The following RAP1GAP2 variants were observed in gnomAD, a reference collection of about 807,000 sequenced individuals.
RAP1GAP2 encodes the protein rap1 GTPase-activating protein 2.
In RAP1GAP2, 27 loss-of-function variants were observed where a neutral mutation model predicts 95.0. The ratio of observed to expected loss-of-function variants is 0.28; its 90% CI spans 0.21 to 0.39. RAP1GAP2 has a LOEUF of 0.39. Among genes scored for constraint, RAP1GAP2 ranks in the 10% least tolerant of loss-of-function variants. The probability of loss-of-function intolerance (pLI) is 1.00; values close to 1 mark genes in which losing one functional copy is unlikely to be tolerated. For synonymous variants in RAP1GAP2, 373 were observed against 380.9 expected (o/e 0.98, Z 0.24); for missense variants, 771 against 970.0 (o/e 0.79, Z 2.72).
In RAP1GAP2 at chr17:2,857,828, G is replaced by C. The variant is rs56802211; in HGVS notation, c.81-47456G>C. Among the ~76,000 whole-genome samples, 4,466 of 152,286 alleles carry C rather than the reference G, an allele frequency of 0.029. 210 individuals carry two copies. The highest frequency in any genetic ancestry group is 0.1 in the African/African-American group (4,162 of 41,536). On this transcript the variant is annotated intron_variant, in intron 2 of 24. Transcript: ENST00000254695. This position sits in a 1 kb window ranked among gnomAD's most constrained non-coding sequence, Gnocchi z 4.0. The stretch of plus-strand genomic sequence containing the variant: ...AATATGTACGTTCTTGGCCGGGCGC[G>C]GCAGCTCACGCCTGTAATCCCAGCA...
intron 17 of RAP1GAP2, among the ~76,000 whole-genome samples, chr17:3,010,114 G>C (rs1463590580): frequency 6.6e-6 from 1 of 152,144 alleles, no homozygotes; most frequent in Non-Finnish European, 1.5e-5. Context: ...GGCCGAGGCA[G>C]GCGGATCACG....
chr17:2,999,781 TA>T (rs527596504), intron 14 of RAP1GAP2, among the ~76,000 whole-genome samples: 6,762 of 126,608 alleles, frequency 0.053, 422 homozygotes, highest in African/African-American at 0.16. Context: ...ACCCTGTCTC[TA>T]AAAAAAAAAA....
At position 3,003,282 on chromosome 17, in the gene RAP1GAP2, G is replaced by A. The variant is rs2046226170; in HGVS notation, c.1201-2087G>A. Among the ~76,000 whole-genome samples the A allele has an allele frequency of 6.6e-6, 1 of 152,090 alleles. No homozygotes were observed. The highest frequency in any genetic ancestry group is 6.5e-5 in the Admixed American group (1 of 15,270). ...TCGGGTGTGCACGAAGCATCACTCT[G>A]GATTATTTTTCAGAAATGAGTGTAG... On this transcript the variant is annotated intron_variant, in intron 14 of 24. Coordinates refer to ENST00000254695, the MANE Select transcript of RAP1GAP2 (RefSeq NM_015085.5). The surrounding 1 kb of genome is among the most constrained non-coding windows in gnomAD (Gnocchi z 4.1).
In RAP1GAP2 at chr17:3,004,111, C is replaced by G. The variant is rs2046258668; in HGVS notation, c.1201-1258C>G. ...CCATAGCCTTCCCACACCCCCACCC[C>G]TGATTCTGGCTCTGTGACTGAATTC... On this transcript the variant is annotated intron_variant, in intron 14 of 24. Coordinates refer to ENST00000254695, the MANE Select transcript of RAP1GAP2 (RefSeq NM_015085.5). The surrounding 1 kb of genome is among the most constrained non-coding windows in gnomAD (Gnocchi z 4.1). 6.6e-6 allele frequency among the ~76,000 whole-genome samples: 1 copy of G among 152,212 alleles called. No homozygotes were observed. Among genetic ancestry groups the G allele is most frequent in the African/African-American group, 2.4e-5 (1 of 41,464 alleles).
intron 3 of RAP1GAP2, among the ~76,000 whole-genome samples, chr17:2,946,758 A>G (rs1439956710): frequency 6.6e-6 from 1 of 152,070 alleles, no homozygotes; most frequent in Non-Finnish European, 1.5e-5. Context: ...GGCCTAGGAA[A>G]CTTTTTTTAT....
upstream of RAP1GAP2, among the ~76,000 whole-genome samples, chr17:2,774,798 C>A (rs1348995476): frequency 2.0e-5 from 3 of 147,676 alleles, no homozygotes; most frequent in Non-Finnish European, 4.4e-5. Context: ...AGCCACCATA[C>A]CTGGCCTCCC....
chr17:3,016,256 C>T (rs969105856), intron 17 of RAP1GAP2, among the ~76,000 whole-genome samples: 5 of 152,168 alleles, frequency 3.3e-5, no homozygotes, highest in African/African-American at 1.2e-4. Flanking sequence ...ATTGAGAAAA[C>T]CTTTCCCCAG....
chr17:2,993,135 TC>T (rs1339793756), intron 12 of RAP1GAP2, among the ~76,000 whole-genome samples: 3 of 147,628 alleles, frequency 2.0e-5, no homozygotes, highest in Non-Finnish European at 1.5e-5. Flanking sequence ...GGCAGGAGAA[TC>T]GCTTGAACCC....
At chr17:2,981,711 G>T (rs2151539077) in intron 10 of RAP1GAP2, among the ~76,000 whole-genome samples, 1 of 152,264 alleles carries the variant, frequency 6.6e-6, no homozygotes, top group African/African-American at 2.4e-5. Flanking sequence ...ATAAGCCTCT[G>T]CTGCCTTCAT....
chr17:2,992,012 C>T (rs902707524), intron 12 of RAP1GAP2, among the ~76,000 whole-genome samples: 3 of 151,992 alleles, frequency 2.0e-5, no homozygotes, highest in African/African-American at 7.2e-5. Context: ...GCAATCCACC[C>T]ACCTCAGCCT....
chr17:2,952,746 TG>T (rs1161673604), intron 3 of RAP1GAP2, among the ~76,000 whole-genome samples: 1 of 152,188 alleles, frequency 6.6e-6, no homozygotes, highest in Non-Finnish European at 1.5e-5. Context: ...TGTTTCCATG[TG>T]TTCATTGGTT....
intron 1 of RAP1GAP2, among the ~76,000 whole-genome samples, chr17:2,790,382 G>A (rs1444020085): frequency 4.6e-5 from 7 of 152,142 alleles, no homozygotes; most frequent in Non-Finnish European, 1.0e-4. Flanking sequence ...TAATCCCAAA[G>A]CGCTGGGATT....
chr17:2,803,544 A>G (rs979061162), intron 2 of RAP1GAP2, among the ~76,000 whole-genome samples: 7 of 152,228 alleles, frequency 4.6e-5, no homozygotes, highest in Admixed American at 1.3e-4. Context: ...ATAATCTTGA[A>G]AAAGGAGAAC....
intron 4 of RAP1GAP2, 171 bp from the exon 5 acceptor site, chr17:2,962,498 TG>T: frequency 1.6e-6 from 1 of 642,218 alleles, no homozygotes; most frequent in Non-Finnish European, 2.6e-6. Flanking sequence ...TTGCCTCACC[TG>T]AGGCTGCTGT....
intron 3 of RAP1GAP2, among the ~76,000 whole-genome samples, chr17:2,932,431 G>A (rs1035605546): frequency 6.6e-6 from 1 of 152,016 alleles, no homozygotes; most frequent in African/African-American, 2.4e-5. Flanking sequence ...CTCAGGGAGA[G>A]GAGAGGGAGG....
rs10566772 is a variant in RAP1GAP2, at chr17:2,821,373, CTTTTTT to C, written c.80+20838_80+20843del. Among the ~76,000 whole-genome samples the C allele has an allele frequency of 1.1e-4, 13 of 118,540 alleles. No homozygotes were observed. The East Asian group carries it at 2.7e-3, about 24-fold the overall frequency. The allele number at this position is 118,540 out of a possible 152,430, so 77.8% of individuals were successfully genotyped here. A position where few individuals can be genotyped will look rare whatever the true frequency, so the allele number is the denominator to read the frequency against. On this transcript the variant is annotated intron_variant, in intron 2 of 24. Coordinates refer to ENST00000254695, the MANE Select transcript of RAP1GAP2 (RefSeq NM_015085.5). ...ATCATTCTGATGTATTTCTTTACACCTTTTTTTTTTTTTTTTTTTTGAGACGGAGTC... is the reference window on the plus strand; with the variant it reads ...ATCATTCTGATGTATTTCTTTACACCTTTTTTTTTTTTTTGAGACGGAGTC...
rs1373029300 is a variant in RAP1GAP2, at chr17:2,886,155, G to GTA, written c.81-19128_81-19127insAT. 3.6e-5 allele frequency among the ~76,000 whole-genome samples: 4 copies of GTA among 110,166 alleles called. No individual in the cohort carries two copies. The East Asian group carries it at 1.1e-3, about 30-fold the overall frequency. The allele number at this position is 110,166 out of a possible 152,430, so 72.3% of individuals were successfully genotyped here. Reference sequence around the variant, plus strand: ...TATTTATGTGTGTGTGTGTGTGTGTGTGTGTGTATATATATATTTTTTTTT... The same window carrying GTA: ...TATTTATGTGTGTGTGTGTGTGTGTGTATGTGTGTATATATATATTTTTTTTT... On this transcript the variant is annotated intron_variant, in intron 2 of 24. Coordinates refer to ENST00000254695, the MANE Select transcript of RAP1GAP2 (RefSeq NM_015085.5).
intron 2 of RAP1GAP2, among the ~76,000 whole-genome samples, chr17:2,869,108 A>G (rs1183800843): frequency 1.3e-5 from 2 of 152,074 alleles, no homozygotes; most frequent in Non-Finnish European, 2.9e-5. Flanking sequence ...TCCTGACCCA[A>G]TCACCTCCCA....
intron 19 of RAP1GAP2, among the ~76,000 whole-genome samples, chr17:3,023,211 A>G (rs2047010491): frequency 2.0e-5 from 3 of 152,358 alleles, no homozygotes; most frequent in Admixed American, 2.0e-4. Flanking sequence ...TATCAGGAGT[A>G]CTGGCCTGTA....
Sources: gnomAD v4.1 joint callset for allele counts (sites outside exome capture counted in the v4.1 genomes callset) on GRCh38, gnomAD v4.1.1 for gene constraint, Gnocchi (gnomAD v3.1) non-coding constraint, MANE v1.5 for transcripts, NCBI Gene and HGNC (gene_info 2026-07-23, HGNC 2026-07-21) for gene names.